NLK: variants seen among roughly 807,000 people sequenced by gnomAD.
NLK encodes the protein serine/threonine-protein kinase NLK.
Under a neutral mutation model 59.0 loss-of-function variants are expected in NLK, and 11 were observed. The observed-to-expected ratio is 0.19, with a 90% CI of 0.12 to 0.31. NLK has a LOEUF of 0.31. NLK is among the 10% of genes least tolerant of loss of function. The pLI is 1.00. For missense variants in NLK, 410 were observed against 661.1 expected (o/e 0.62, Z 4.16); for synonymous variants, 235 against 235.9 (o/e 1.00, Z 0.03).
At chr17:28,153,274 C>CAA (rs1281657628) in intron 3 of NLK, among the ~76,000 whole-genome samples, 4 of 104,722 alleles carry the variant, frequency 3.8e-5, no homozygotes, top group African/African-American at 7.0e-5. Flanking sequence ...AATTCCCCCT[C>CAA]AAAAAAAAAA....
chr17:28,186,146 A>G (rs1016907576), intron 8 of NLK, among the ~76,000 whole-genome samples: 3 of 152,252 alleles, frequency 2.0e-5, no homozygotes, highest in Admixed American at 2.0e-4. Context: ...AATACCAGAT[A>G]TTTAAAAGAT....
At position 28,195,934 on chromosome 17, in the gene NLK, C is replaced by T. The variant is rs1032601880; in HGVS notation, c.*1298C>T. 2 of 152,326 alleles carry T rather than the reference C, an allele frequency of 1.3e-5. No individual in the cohort carries two copies. Among genetic ancestry groups the T allele is most frequent in the African/African-American group, 2.4e-5 (1 of 41,338 alleles). The allele number at this position is 152,326 out of a possible 1,614,324, so 9.4% of individuals were successfully genotyped here. On this transcript the variant is annotated 3_prime_UTR_variant, in exon 11 of 11. Transcript: ENST00000407008. ...ACCTGTACAAGGAATACTAATGGATCGTCTTAAAATTGGTCTAGGAAAAAA... is the reference window on the plus strand; with the variant it reads ...ACCTGTACAAGGAATACTAATGGATTGTCTTAAAATTGGTCTAGGAAAAAA...
chr17:28,177,001 T>A (rs1908706321), intron 7 of NLK, among the ~76,000 whole-genome samples: 1 of 152,204 alleles, frequency 6.6e-6, no homozygotes, highest in East Asian at 1.9e-4. Context: ...TATTATATAC[T>A]GTATTCTTAA....
intron 5 of NLK, among the ~76,000 whole-genome samples, chr17:28,168,243 G>A (rs1458723847): frequency 1.3e-5 from 2 of 150,796 alleles, no homozygotes; most frequent in Admixed American, 6.6e-5. Flanking sequence ...GGCTGAGGCA[G>A]AAGAATCCCT....
At chr17:28,080,318 G>C (rs758444474) in intron 1 of NLK, among the ~76,000 whole-genome samples, 2 of 152,004 alleles carry the variant, frequency 1.3e-5, no homozygotes, top group Non-Finnish European at 2.9e-5. Flanking sequence ...AGTGGCTCAT[G>C]CCTGTAATTC....
intron 8 of NLK, among the ~76,000 whole-genome samples, chr17:28,188,274 T>C (rs1909189803): frequency 6.6e-6 from 1 of 152,262 alleles, no homozygotes; most frequent in Non-Finnish European, 1.5e-5. Flanking sequence ...TTTTTATCAC[T>C]GTGTTATAAA....
intron 1 of NLK, chr17:28,048,392 GT>G (rs3214881): frequency 1.4e-3 from 208 of 147,282 alleles, no homozygotes; most frequent in African/African-American, 2.7e-3. Flanking sequence ...AAAAAAGACA[GT>G]TTTTTTTTTT....
chr17:28,079,431 G>A (rs1202743403), intron 1 of NLK, among the ~76,000 whole-genome samples: 1 of 152,114 alleles, frequency 6.6e-6, no homozygotes, highest in Non-Finnish European at 1.5e-5. Context: ...TTTTTGAAGA[G>A]CCTTCATACT....
chr17:28,141,874 A>G (rs1472258818), intron 3 of NLK, among the ~76,000 whole-genome samples: 1 of 152,168 alleles, frequency 6.6e-6, no homozygotes, highest in Non-Finnish European at 1.5e-5. Flanking sequence ...TTATACTCCA[A>G]AAAACAGTGA....
At chr17:28,139,162 G>A (rs978616089) in intron 3 of NLK, among the ~76,000 whole-genome samples, 10 of 152,034 alleles carry the variant, frequency 6.6e-5, no homozygotes, top group Non-Finnish European at 1.2e-4. Context: ...AGGCTGAGGC[G>A]GGAGAATCTC....
intron 4 of NLK, among the ~76,000 whole-genome samples, chr17:28,163,326 CATT>C (rs2142049672): frequency 6.6e-6 from 1 of 152,282 alleles, no homozygotes; most frequent in South Asian, 2.1e-4. Context: ...AAATTATAGA[CATT>C]ATCTCTAGAC....
intron 9 of NLK, among the ~76,000 whole-genome samples, chr17:28,191,828 C>T (rs1909317296): frequency 6.6e-6 from 1 of 152,200 alleles, no homozygotes; most frequent in African/African-American, 2.4e-5. Context: ...GAAGAGTTCA[C>T]CCATAATGCC....
At chr17:28,127,511 G>A (rs1356879031) in intron 2 of NLK, among the ~76,000 whole-genome samples, 1 of 152,196 alleles carries the variant, frequency 6.6e-6, no homozygotes, top group Non-Finnish European at 1.5e-5. Context: ...TGATGTAGAG[G>A]TAGGTTACTT....
chr17:28,186,114 T>A (rs747462260), intron 8 of NLK, among the ~76,000 whole-genome samples: 1 of 152,336 alleles, frequency 6.6e-6, no homozygotes, highest in South Asian at 2.1e-4. Context: ...TTGCCAAGAA[T>A]ACAAAGTCAC....
intron 3 of NLK, among the ~76,000 whole-genome samples, chr17:28,138,902 T>A (rs925890207): frequency 3.9e-5 from 6 of 152,192 alleles, no homozygotes; most frequent in Admixed American, 3.3e-4. Context: ...AGGTTTATAA[T>A]CTAGTAGAGG....
At chr17:28,189,466 C>A (rs1909236701) in intron 8 of NLK, among the ~76,000 whole-genome samples, 1 of 152,146 alleles carries the variant, frequency 6.6e-6, no homozygotes, top group Admixed American at 6.5e-5. Flanking sequence ...AGAAACTGCA[C>A]AGTGGTGTAA....
At chr17:28,111,217 C>G (rs552567181) in intron 1 of NLK, among the ~76,000 whole-genome samples, 4 of 151,932 alleles carry the variant, frequency 2.6e-5, no homozygotes, top group Admixed American at 6.6e-5. Context: ...GACAGAGTCT[C>G]GATCTATTGC....
At chr17:28,155,873 T>C (rs1013274506) in intron 3 of NLK, among the ~76,000 whole-genome samples, 9 of 152,212 alleles carry the variant, frequency 5.9e-5, no homozygotes, top group African/African-American at 1.9e-4. Flanking sequence ...GGCTCATGTA[T>C]ACCTATGTAA....
intron 2 of NLK, among the ~76,000 whole-genome samples, chr17:28,131,502 G>A (rs1906513934): frequency 7.0e-6 from 1 of 143,656 alleles, no homozygotes; most frequent in Non-Finnish European, 1.5e-5. Context: ...GTTCATGTGT[G>A]TGAATAACTG....
Sources: gnomAD v4.1 joint callset for allele counts (sites outside exome capture counted in the v4.1 genomes callset) on GRCh38, gnomAD v4.1.1 for gene constraint, MANE v1.5 for transcripts, NCBI Gene and HGNC (gene_info 2026-07-23, HGNC 2026-07-21) for gene names.